Variants in RNF17 observed in about 807,000 individuals in gnomAD.
RNF17 encodes spermatogenesis associated 23.
A neutral mutation model predicts 200.5 loss-of-function variants in RNF17; 31 were observed. The ratio of observed to expected loss-of-function variants is 0.15; its 90% confidence interval spans 0.12 to 0.21. The LOEUF is 0.21. RNF17 is among the 10% of genes least tolerant of loss of function. RNF17 has a pLI of 1.00. For missense variants in RNF17, 1,628 were observed against 1,905.1 expected (o/e 0.85, Z 2.71); for synonymous variants, 606 against 637.8 (o/e 0.95, Z 0.75).
At chr13:24,819,720 T>G (rs1447738801) in intron 15 of RNF17, among the ~76,000 whole-genome samples, 1 of 152,264 alleles carries the variant, frequency 6.6e-6, no homozygotes, top group Non-Finnish European at 1.5e-5. Flanking sequence ...GATTTGTAAT[T>G]ATTTATGCAT....
the RNF17 span, among the ~76,000 whole-genome samples, chr13:24,747,909 C>T: frequency 2.0e-5 from 3 of 152,246 alleles, no homozygotes; most frequent in African/African-American, 7.2e-5. Context: ...GGCCCCCGTG[C>T]TCGGGCCCTA....
chr13:24,820,152 T>G (rs529579625), intron 15 of RNF17, among the ~76,000 whole-genome samples: 1 of 149,538 alleles, frequency 6.7e-6, no homozygotes, highest in Non-Finnish European at 1.5e-5. Flanking sequence ...GACAAGAGTC[T>G]TGCTCTCTTG....
At chr13:24,871,128 A>G (rs1298314977) in intron 32 of RNF17, among the ~76,000 whole-genome samples, 1 of 152,218 alleles carries the variant, frequency 6.6e-6, no homozygotes. Context: ...TGGAGGCTCA[A>G]AGTATGACCT....
chr13:24,866,093 C>A, intron 29 of RNF17, 51 bp from the exon 30 acceptor site: 1 of 1,020,716 alleles, frequency 9.8e-7, no homozygotes, highest in East Asian at 2.5e-5. Context: ...TGGAAAGTAC[C>A]TTAAAACAAT....
chr13:24,756,719 G>C, the RNF17 span, among the ~76,000 whole-genome samples: 1 of 152,222 alleles, frequency 6.6e-6, no homozygotes, highest in Admixed American at 6.5e-5. Flanking sequence ...CCAGATAAAA[G>C]GTTCTGATGC....
chr13:24,862,523 G>A (rs1343948136), intron 27 of RNF17, among the ~76,000 whole-genome samples, 190 bp from the exon 28 acceptor site: 1 of 152,120 alleles, frequency 6.6e-6, no homozygotes, highest in Admixed American at 6.6e-5. Context: ...AGCATAAAAT[G>A]AGTACTCAAA....
intron 24 of RNF17, among the ~76,000 whole-genome samples, chr13:24,852,112 T>C (rs1055586793): frequency 1.3e-5 from 2 of 151,520 alleles, no homozygotes; most frequent in Non-Finnish European, 2.9e-5. Flanking sequence ...GTTGTGGCTC[T>C]AGCTTAATCT....
intron 25 of RNF17, among the ~76,000 whole-genome samples, chr13:24,857,813 G>C (rs1330706327): frequency 6.6e-6 from 1 of 152,180 alleles, no homozygotes; most frequent in East Asian, 1.9e-4. Flanking sequence ...CAGGAGGATT[G>C]CTTGAGCCCA....
intron 32 of RNF17, among the ~76,000 whole-genome samples, chr13:24,871,958 CTTTTTTTTT>C (rs60797153): frequency 7.0e-5 from 5 of 71,764 alleles, no homozygotes; most frequent in Admixed American, 1.8e-4. Flanking sequence ...TTATTGATGA[CTTTTTTTTT>C]TTTTTTTTTT....
At chr13:24,844,425 A>G (rs981726421) in intron 20 of RNF17, among the ~76,000 whole-genome samples, 1 of 152,140 alleles carries the variant, frequency 6.6e-6, no homozygotes, top group Non-Finnish European at 1.5e-5. Flanking sequence ...GGCCCCAAAG[A>G]AGGAAGGAGG....
intron 18 of RNF17, among the ~76,000 whole-genome samples, chr13:24,835,457 A>G (rs1254121648): frequency 3.9e-5 from 6 of 152,126 alleles, no homozygotes; most frequent in Admixed American, 6.5e-5. Context: ...AGGCACTGCT[A>G]TCCACTGCTG....
chr13:24,820,121 C>CTTTTTTTTT (rs200683421), intron 15 of RNF17, among the ~76,000 whole-genome samples: 1 of 113,304 alleles, frequency 8.8e-6, no homozygotes, highest in Non-Finnish European at 1.9e-5. Flanking sequence ...TTTCTTTTTT[C>CTTTTTTTTT]TTTTTTTTTT....
At chr13:24,840,712 A>C (rs1277595380) in intron 18 of RNF17, among the ~76,000 whole-genome samples, 1 of 151,714 alleles carries the variant, frequency 6.6e-6, no homozygotes, top group Non-Finnish European at 1.5e-5. Flanking sequence ...GAGGACGCAA[A>C]GGAATGGACT....
chr13:24,751,307 T>C, the RNF17 span: 1 of 131,386 alleles, frequency 7.6e-6, no homozygotes, highest in South Asian at 2.3e-4. Context: ...TGTATATATA[T>C]ATATATATTT....
At chr13:24,770,970 T>G (rs145440208) in intron 2 of RNF17, among the ~76,000 whole-genome samples, 7 of 152,338 alleles carry the variant, frequency 4.6e-5, no homozygotes, top group Non-Finnish European at 1.0e-4. Flanking sequence ...TTTTGGCAAT[T>G]TGATGTAAAA....
chr13:24,842,524 A>G (rs1481027793), intron 19 of RNF17, among the ~76,000 whole-genome samples: 2 of 152,206 alleles, frequency 1.3e-5, no homozygotes, highest in Non-Finnish European at 2.9e-5. Flanking sequence ...AGTAGCTTAC[A>G]TTTCCATTTG....
intron 2 of RNF17, among the ~76,000 whole-genome samples, chr13:24,772,905 CT>C (rs1307175142): frequency 2.0e-5 from 3 of 152,128 alleles, no homozygotes; most frequent in African/African-American, 7.2e-5. Flanking sequence ...GCCACCGCCC[CT>C]GGTCGTGAAC....
At chr13:24,795,447 A>G (rs1469389336) in intron 10 of RNF17, among the ~76,000 whole-genome samples, 2 of 149,986 alleles carry the variant, frequency 1.3e-5, no homozygotes, top group Non-Finnish European at 3.0e-5. Context: ...TTTACACAAA[A>G]CGTAGCATAC....
At chr13:24,835,462 C>A (rs960563353) in intron 18 of RNF17, among the ~76,000 whole-genome samples, 2 of 152,192 alleles carry the variant, frequency 1.3e-5, no homozygotes, top group Non-Finnish European at 2.9e-5. Flanking sequence ...CTGCTATCCA[C>A]TGCTGAGAGA....
Sources: gnomAD v4.1 joint callset for allele counts (sites outside exome capture counted in the v4.1 genomes callset) on GRCh38, gnomAD v4.1.1 for gene constraint, MANE v1.5 for transcripts, NCBI Gene and HGNC (gene_info 2026-07-23, HGNC 2026-07-21) for gene names.